The following NEK1 variants were observed in gnomAD, a reference collection of about 807,000 sequenced individuals.
NEK1 encodes the protein NIMA related kinase 1, also known as serine/threonine-protein kinase Nek1.
Under a neutral mutation model 182.1 loss-of-function variants are expected in NEK1, and 137 were observed. The ratio of observed to expected loss-of-function variants is 0.75; its 90% CI spans 0.65 to 0.87. The LOEUF is 0.87. Ranked by LOEUF, NEK1 falls within the 40% of genes least tolerant of loss-of-function variation. The pLI is 0.00. For missense variants in NEK1, 1,391 were observed against 1,494.4 expected, an observed-to-expected ratio of 0.93 and a Z score of 1.14; for synonymous variants, 513 against 492.2, an observed-to-expected ratio of 1.04 and a Z score of -0.56.
chr4:169,569,467 C>A (rs138185423), intron 12 of NEK1, among the ~76,000 whole-genome samples: 1 of 118,220 alleles, frequency 8.5e-6, no homozygotes, highest in African/African-American at 4.1e-5. Flanking sequence ...TCTCTCCCTC[C>A]CTCCCTCTCT....
chr4:169,573,050 T>C (rs556667556), intron 12 of NEK1, among the ~76,000 whole-genome samples: 11 of 152,314 alleles, frequency 7.2e-5, no homozygotes, highest in Admixed American at 5.2e-4. Context: ...TTTGCTAACA[T>C]GAATGATTCA....
rs551275723 is a variant in NEK1, at chr4:169,508,258, C to T, written c.1823G>A (p.Arg608His). The T allele has an allele frequency of 1.9e-5, 30 of 1,588,074 alleles. No homozygotes were observed. In the East Asian group the frequency reaches 4.8e-4, roughly 25 times the overall value. The change falls in exon 21 of 36, where the codon CGT becomes CAT. Residue 608 changes from arginine to histidine, a missense_variant. Around this residue, in one of 5 missense-constraint regions of NEK1, gnomAD observed 1,216 missense variants for 1,277.6 expected, o/e 0.95. Coordinates refer to ENST00000507142, the MANE Select transcript of NEK1 (RefSeq NM_001199397.3). ...AGCTTTTCAACCTACCTTTTCACCA[C>T]GAAGTTTGGCTTTAATCTGTTGGCG... Reference protein sequence around the residue: ...NERQQIKAKLRGEKKEANHSE... With the variant: ...NERQQIKAKLHGEKKEANHSE...
At chr4:169,435,583 G>A (rs1738261002) in intron 28 of NEK1, among the ~76,000 whole-genome samples, 1 of 152,174 alleles carries the variant, frequency 6.6e-6, no homozygotes, top group East Asian at 1.9e-4. Flanking sequence ...CTTGAGTAAT[G>A]GAAGACAGTG....
At chr4:169,558,125 A>G (rs960558571) in intron 16 of NEK1, among the ~76,000 whole-genome samples, 1 of 152,124 alleles carries the variant, frequency 6.6e-6, no homozygotes, top group African/African-American at 2.4e-5. Context: ...TTTCCTATGA[A>G]ACTGGTTACT....
intron 26 of NEK1, among the ~76,000 whole-genome samples, chr4:169,474,179 GAGA>G (rs1746535968): frequency 6.6e-6 from 1 of 152,150 alleles, no homozygotes; most frequent in Admixed American, 6.5e-5. Context: ...AGTGAAAGGT[GAGA>G]AGTAGTTCTA....
At chr4:169,489,074 C>T (rs1749577401) in intron 23 of NEK1, among the ~76,000 whole-genome samples, 1 of 152,060 alleles carries the variant, frequency 6.6e-6, no homozygotes, top group African/African-American at 2.4e-5. Context: ...ATTTTTTTCC[C>T]ACTATACCAG....
At chr4:169,497,291 CTCTTT>C (rs1751513240) in intron 23 of NEK1, among the ~76,000 whole-genome samples, 1 of 152,012 alleles carries the variant, frequency 6.6e-6, no homozygotes, top group Non-Finnish European at 1.5e-5. Context: ...TGATTCTTCT[CTCTTT>C]TCTTCTTTAT....
At chr4:169,456,193 T>C (rs1742848654) in intron 27 of NEK1, among the ~76,000 whole-genome samples, 1 of 152,028 alleles carries the variant, frequency 6.6e-6, no homozygotes, top group Admixed American at 6.6e-5. Flanking sequence ...AATATACCAA[T>C]ACCTCTGGGA....
In NEK1 at chr4:169,516,311, G is replaced by C. The variant is rs1355264118; in HGVS notation, c.1666-7459C>G. 3.9e-5 allele frequency among the ~76,000 whole-genome samples: 5 copies of C among 127,626 alleles called. 1 individual carries two copies. The highest frequency in any genetic ancestry group is 7.6e-5 in the African/African-American group (2 of 26,254). 83.7% of individuals were successfully genotyped at this position (127,626 alleles called of 152,430 possible). A position where few individuals can be genotyped will look rare whatever the true frequency, so the allele number is the denominator to read the frequency against. On this transcript the variant is annotated intron_variant, in intron 19 of 35. Transcript: ENST00000507142. ...CTGCATAAATGTCTTCTTTTGAGAA[G>C]TGTCTGTTCATGTCCTTTGCCCAGT...
chr4:169,448,277 T>C (rs768517057), intron 27 of NEK1, among the ~76,000 whole-genome samples: 1 of 152,008 alleles, frequency 6.6e-6, no homozygotes, highest in South Asian at 2.1e-4. Context: ...AAGATACAAA[T>C]AGAAACAAAA....
intron 26 of NEK1, among the ~76,000 whole-genome samples, chr4:169,472,738 A>G (rs530330798): frequency 5.8e-4 from 89 of 152,228 alleles, no homozygotes; most frequent in African/African-American, 2.1e-3. Context: ...TCTCCTCATT[A>G]TTTATGTTTT....
intron 19 of NEK1, among the ~76,000 whole-genome samples, chr4:169,514,414 T>G (rs1230316332): frequency 6.6e-6 from 1 of 152,226 alleles, no homozygotes; most frequent in Non-Finnish European, 1.5e-5. Context: ...CCACTACTAC[T>G]TCTGGGAACA....
chr4:169,536,465 C>A (rs1758526704), intron 19 of NEK1, among the ~76,000 whole-genome samples: 5 of 149,520 alleles, frequency 3.3e-5, no homozygotes, highest in Admixed American at 3.3e-4. Flanking sequence ...TAAAAAGTTT[C>A]AACTATAATA....
In NEK1 at chr4:169,515,488, T is replaced by C. The variant is rs537894621; in HGVS notation, c.1666-6636A>G. ...TTATTTGGTGTATACATATTTAGGA[T>C]TGCAATAACTTCTTTTTTTTTTTTT... is the stretch of plus-strand genomic sequence containing the variant. On this transcript the variant is annotated intron_variant, in intron 19 of 35. Transcript: ENST00000507142. 4.1e-5 allele frequency among the ~76,000 whole-genome samples: 6 copies of C among 145,118 alleles called. No individual in the cohort carries two copies. In the South Asian group the frequency reaches 1.3e-3, roughly 31 times the overall value.
chr4:169,549,251 C>T (rs967705392), intron 18 of NEK1, among the ~76,000 whole-genome samples: 1 of 152,150 alleles, frequency 6.6e-6, no homozygotes, highest in Non-Finnish European at 1.5e-5. Flanking sequence ...TGAGGTGACA[C>T]CCCACCCTGC....
intron 18 of NEK1, among the ~76,000 whole-genome samples, chr4:169,550,141 G>A (rs561093938): frequency 3.9e-5 from 6 of 152,254 alleles, no homozygotes; most frequent in African/African-American, 7.2e-5. Flanking sequence ...TCATGATGGC[G>A]GGTCTTTCCT....
intron 27 of NEK1, among the ~76,000 whole-genome samples, chr4:169,439,144 G>C (rs1165179053): frequency 6.6e-6 from 1 of 152,238 alleles, no homozygotes; most frequent in Non-Finnish European, 1.5e-5. Context: ...TTGTATTCAA[G>C]TGGCAAAACC....
At chr4:169,517,134 G>A (rs1755350543) in intron 19 of NEK1, among the ~76,000 whole-genome samples, 1 of 4,254 alleles carries the variant, frequency 2.4e-4, no homozygotes, top group Non-Finnish European at 3.4e-4. Context: ...TCCTACCCTT[G>A]AGCATGGAAT....
At chr4:169,552,591 A>G (rs181959819) in intron 18 of NEK1, among the ~76,000 whole-genome samples, 134 of 152,246 alleles carry the variant, frequency 8.8e-4, no homozygotes, top group African/African-American at 3.1e-3. Flanking sequence ...GTTCTAGCTA[A>G]TGCAATAAGA....
Sources: allele counts gnomAD v4.1 joint callset (sites outside exome capture counted in the v4.1 genomes callset), GRCh38; gene constraint gnomAD v4.1.1; regional missense constraint gnomAD v4.1.1; transcripts MANE v1.5; gene names NCBI Gene and HGNC (gene_info 2026-07-23, HGNC 2026-07-21).